The following NUP155 variants were observed in gnomAD, a reference collection of about 807,000 sequenced individuals.
NUP155 encodes nucleoporin 155.
Under a neutral mutation model 180.4 loss-of-function variants are expected in NUP155, and 71 were observed. The observed-to-expected ratio is 0.39, with a 90% CI of 0.33 to 0.48. The LOEUF (loss-of-function observed/expected upper bound fraction) is 0.48. NUP155 is among the 20% of genes least tolerant of loss of function. The pLI is 0.91. For synonymous variants in NUP155, 582 were observed against 559.5 expected, an observed-to-expected ratio of 1.04 and a Z score of -0.57; for missense variants, 1,553 against 1,648.9, an observed-to-expected ratio of 0.94 and a Z score of 1.01.
At chr5:37,352,511 C>A (rs1296191437) in intron 5 of NUP155, among the ~76,000 whole-genome samples, 1 of 152,078 alleles carries the variant, frequency 6.6e-6, no homozygotes, top group East Asian at 1.9e-4. Flanking sequence ...GCACTGCAGC[C>A]TGGGCAACAA....
Position 37,319,044 on chromosome 5 carries a change from T to C in NUP155, c.2208-959A>G, listed in dbSNP as rs533601428. Among the ~76,000 whole-genome samples, 59 of 152,268 alleles carry C rather than the reference T, an allele frequency of 3.9e-4. 1 individual carries two copies. Among genetic ancestry groups the C allele is most frequent in the South Asian group, 3.1e-3 (15 of 4,826 alleles). On this transcript the variant is annotated intron_variant, in intron 20 of 34. Transcript: ENST00000231498. ...CAAAGCATGAATACATCCTACCACA[T>C]AAATCTCAAACATGAGCCCCCAAAA...
chr5:37,322,697 ACT>A (rs1378191900), intron 20 of NUP155, among the ~76,000 whole-genome samples: 2 of 141,112 alleles, frequency 1.4e-5, no homozygotes, highest in Non-Finnish European at 3.1e-5. Flanking sequence ...ACAGAGCGAG[ACT>A]CTGTCTCAAA....
chr5:37,327,816 T>C, intron 17 of NUP155, 40 bp from the exon 18 acceptor site: 1 of 1,601,232 alleles, frequency 6.2e-7, no homozygotes, highest in Non-Finnish European at 8.6e-7. Flanking sequence ...TTAATCTTAA[T>C]CTTAGAACCC....
At chr5:37,339,594 C>T (rs1745578673) in intron 11 of NUP155, among the ~76,000 whole-genome samples, 1 of 152,060 alleles carries the variant, frequency 6.6e-6, no homozygotes. Context: ...TGCCACTGCA[C>T]TCCAGCCTGG....
intron 20 of NUP155, among the ~76,000 whole-genome samples, chr5:37,320,764 C>T (rs542837782): frequency 6.6e-6 from 1 of 151,772 alleles, no homozygotes; most frequent in East Asian, 1.9e-4. Context: ...AGAAAAAAAA[C>T]CAAACAAACT....
chr5:37,364,609 T>G (rs1747430128), intron 1 of NUP155, among the ~76,000 whole-genome samples: 1 of 150,206 alleles, frequency 6.7e-6, no homozygotes, highest in African/African-American at 2.5e-5. Context: ...AAAAACTTGC[T>G]CTGTAACAAA....
chr5:37,353,230 T>C (rs1470664039), intron 4 of NUP155, among the ~76,000 whole-genome samples: 6 of 151,864 alleles, frequency 4.0e-5, no homozygotes, highest in Non-Finnish European at 8.8e-5. Flanking sequence ...TGTCCATCGA[T>C]AGATGCATTA....
At chr5:37,351,603 T>C (rs572126714) in intron 5 of NUP155, among the ~76,000 whole-genome samples, 1 of 151,880 alleles carries the variant, frequency 6.6e-6, no homozygotes, top group African/African-American at 2.4e-5. Context: ...CCCGCCACCA[T>C]GCCCAGCTAA....
intron 4 of NUP155, among the ~76,000 whole-genome samples, chr5:37,357,594 T>G (rs1456534033): frequency 6.6e-6 from 1 of 152,136 alleles, no homozygotes; most frequent in East Asian, 1.9e-4. Context: ...TTAAAGGCAG[T>G]GTCACTTATA....
intron 3 of NUP155, among the ~76,000 whole-genome samples, chr5:37,362,423 C>A (rs1343842696): frequency 1.3e-5 from 2 of 151,550 alleles, no homozygotes; most frequent in East Asian, 3.9e-4. Flanking sequence ...CGAGTAGCTG[C>A]GATTACAGGC....
At chr5:37,348,026 C>T (rs1164959784) in intron 9 of NUP155, among the ~76,000 whole-genome samples, 4 of 152,074 alleles carry the variant, frequency 2.6e-5, no homozygotes, top group Non-Finnish European at 4.4e-5. Flanking sequence ...CCCAACTACT[C>T]GGGAGGCTGA....
intron 4 of NUP155, among the ~76,000 whole-genome samples, chr5:37,356,845 C>T (rs1409065874): frequency 4.6e-5 from 7 of 152,130 alleles, no homozygotes; most frequent in South Asian, 2.1e-4. Context: ...CGGCGGCTCA[C>T]GCCTGTAATC....
At chr5:37,311,238 C>G (rs995765404) in intron 22 of NUP155, among the ~76,000 whole-genome samples, 2 of 152,154 alleles carry the variant, frequency 1.3e-5, no homozygotes, top group African/African-American at 2.4e-5. Flanking sequence ...TGACTGCTAT[C>G]TCTTTTTTCT....
At chr5:37,296,273 T>C (rs947917459) in intron 32 of NUP155, among the ~76,000 whole-genome samples, 13 of 152,090 alleles carry the variant, frequency 8.5e-5, no homozygotes, top group African/African-American at 1.4e-4. Context: ...AATCGGATGG[T>C]TGCCGTGTCT....
intron 20 of NUP155, among the ~76,000 whole-genome samples, chr5:37,320,248 C>T (rs1351885010): frequency 6.6e-6 from 1 of 152,062 alleles, no homozygotes; most frequent in Admixed American, 6.5e-5. Flanking sequence ...GAGGCTGAGG[C>T]GGGTGGATAA....
chr5:37,293,221 A>G (rs1347860896), intron 33 of NUP155: 2 of 436,030 alleles, frequency 4.6e-6, no homozygotes, highest in African/African-American at 2.0e-5. Context: ...TGATATACCA[A>G]TCTACTTTGC....
intron 2 of NUP155, 99 bp from the exon 3 acceptor site, chr5:37,364,083 T>C (rs770661246): frequency 9.7e-6 from 11 of 1,138,716 alleles, no homozygotes; most frequent in South Asian, 2.5e-5. Flanking sequence ...AAAATCACAA[T>C]GTGTCCACTC....
intron 1 of NUP155, among the ~76,000 whole-genome samples, chr5:37,368,637 C>T (rs973781166): frequency 6.6e-6 from 1 of 151,860 alleles, no homozygotes; most frequent in Non-Finnish European, 1.5e-5. Context: ...CTGGCCAACA[C>T]GGTGAAACCC....
rs777513709 is a variant in NUP155, at chr5:37,364,432, C to T, written c.158-48G>A. Reference sequence around the variant, plus strand: ...TTATAATAATGTACTGCTCATCAACCGGGCAAACAAAAGGATTGAGTGCCA... The same window carrying T: ...TTATAATAATGTACTGCTCATCAACTGGGCAAACAAAAGGATTGAGTGCCA... On this transcript the variant is annotated intron_variant, in intron 1 of 34. Coordinates refer to ENST00000231498, the MANE Select transcript of NUP155 (RefSeq NM_153485.3). 78 of 1,567,436 alleles carry T rather than the reference C, an allele frequency of 5.0e-5. 1 individual carries two copies. The highest frequency in any genetic ancestry group is 2.1e-4 in the South Asian group (19 of 89,868).
Sources: allele counts gnomAD v4.1 joint callset (sites outside exome capture counted in the v4.1 genomes callset), GRCh38; gene constraint gnomAD v4.1.1; transcripts MANE v1.5; gene names NCBI Gene and HGNC (gene_info 2026-07-23, HGNC 2026-07-21).